CHN2: variants seen among roughly 807,000 people sequenced by gnomAD.
CHN2 encodes chimerin 2.
A neutral mutation model predicts 56.3 loss-of-function variants in CHN2; 35 were observed. The ratio of observed to expected loss-of-function variants is 0.62; its 90% CI spans 0.47 to 0.82. The LOEUF (loss-of-function observed/expected upper bound fraction) is 0.82, where lower values mean the gene tolerates loss of function less well. Ranked by LOEUF, CHN2 falls within the 40% of genes least tolerant of loss-of-function variation. The pLI, the probability that CHN2 is intolerant of heterozygous loss-of-function variation, is 0.00. For missense variants in CHN2, 491 were observed against 580.5 expected (o/e 0.85, Z 1.58); for synonymous variants, 210 against 212.8 (o/e 0.99, Z 0.12).
rs5883212 is a variant in CHN2, at chr7:29,461,816, T to TTGGATGGATGGA, written c.577-18418_577-18407dup. Among the ~76,000 whole-genome samples, 61 of 143,966 alleles carry TTGGATGGATGGA rather than the reference T, an allele frequency of 4.2e-4. 1 individual carries two copies. Among genetic ancestry groups the TTGGATGGATGGA allele is most frequent in the Middle Eastern group, 3.5e-3 (1 of 284 alleles). 94.4% of individuals were successfully genotyped at this position (143,966 alleles called of 152,430 possible). ...GTTTGTTGGTTAACTGGTTGGTTCA[T>TTGGATGGATGGA]TGGATGGATGGATGGATGGATGGAT... On this transcript the variant is annotated intron_variant, in intron 6 of 12. Coordinates refer to ENST00000222792, the MANE Select transcript of CHN2 (RefSeq NM_004067.4).
At chr7:29,416,916 G>A (rs1344918173) in intron 6 of CHN2, among the ~76,000 whole-genome samples, 1 of 152,174 alleles carries the variant, frequency 6.6e-6, no homozygotes, top group Non-Finnish European at 1.5e-5. Context: ...GGAGCTCCTT[G>A]CTGGCCCCTG....
At chr7:29,273,371 A>ATTTG (rs1554387285) in intron 1 of CHN2, among the ~76,000 whole-genome samples, 1 of 48,656 alleles carries the variant, frequency 2.1e-5, no homozygotes, top group Non-Finnish European at 3.7e-5. Context: ...ATATATATAT[A>ATTTG]TATATATATA....
At chr7:29,252,017 A>T (rs954379057) in intron 1 of CHN2, among the ~76,000 whole-genome samples, 1 of 152,096 alleles carries the variant, frequency 6.6e-6, no homozygotes, top group Non-Finnish European at 1.5e-5. Flanking sequence ...ACAGCAATAG[A>T]AAGGCTCTGG....
chr7:29,215,471 C>A (rs1785265648), intron 1 of CHN2, among the ~76,000 whole-genome samples: 1 of 152,174 alleles, frequency 6.6e-6, no homozygotes, highest in African/African-American at 2.4e-5. Context: ...GGAGCCAGAA[C>A]TGTAGTTGTA....
intron 3 of CHN2, 44 bp downstream of exon 3, chr7:29,368,031 A>T: frequency 6.5e-7 from 1 of 1,537,124 alleles, no homozygotes; most frequent in Non-Finnish European, 8.9e-7. Context: ...AAATATGATG[A>T]ATTGTCAGCA....
intron 2 of CHN2, among the ~76,000 whole-genome samples, chr7:29,362,815 GC>G (rs1188737241): frequency 6.6e-6 from 1 of 152,084 alleles, no homozygotes; most frequent in African/African-American, 2.4e-5. Flanking sequence ...AAAGTACTTG[GC>G]CCACCTTGGT....
At chr7:29,396,549 G>A (rs1177219971) in intron 4 of CHN2, 1 of 151,776 alleles carries the variant, frequency 6.6e-6, no homozygotes, top group Non-Finnish European at 1.5e-5. Context: ...CCTTCTCCTG[G>A]AGTGACCTGG....
intron 1 of CHN2, among the ~76,000 whole-genome samples, chr7:29,253,656 A>G (rs1024212290): frequency 6.6e-6 from 1 of 152,094 alleles, no homozygotes; most frequent in African/African-American, 2.4e-5. Flanking sequence ...TAGATTTCCT[A>G]CCCTCAAAGC....
Position 29,242,828 on chromosome 7 carries a change from G to C in CHN2, c.49+47838G>C, listed in dbSNP as rs530825780. Among the ~76,000 whole-genome samples, 6 of 147,990 alleles carry C rather than the reference G, an allele frequency of 4.1e-5. No individual in the cohort carries two copies. In the Admixed American group the frequency reaches 4.1e-4, roughly 10 times the overall value. On this transcript the variant is annotated intron_variant, in intron 1 of 12. Coordinates refer to ENST00000222792, the MANE Select transcript of CHN2 (RefSeq NM_004067.4). ...AAAGATTCAGATGACATTTCTATGA[G>C]GAAAGTGGTAATTGTGATTCTCAGG... is the stretch of plus-strand genomic sequence containing the variant.
chr7:29,358,306 G>A (rs1391426764), intron 2 of CHN2, among the ~76,000 whole-genome samples: 22 of 152,178 alleles, frequency 1.4e-4, no homozygotes, highest in Non-Finnish European at 5.9e-5. Context: ...GCTAAGGTGG[G>A]AGCATCACTT....
At chr7:29,305,985 T>C (rs1045579103) in intron 1 of CHN2, among the ~76,000 whole-genome samples, 3 of 152,014 alleles carry the variant, frequency 2.0e-5, no homozygotes, top group African/African-American at 7.2e-5. Context: ...GAATGCTCAC[T>C]TCTAGCTCTG....
intron 1 of CHN2, among the ~76,000 whole-genome samples, chr7:29,198,559 A>C (rs941156982): frequency 6.6e-6 from 1 of 152,216 alleles, no homozygotes; most frequent in East Asian, 1.9e-4. Flanking sequence ...CTGGTAATTA[A>C]ATTTCACAAT....
chr7:29,334,924 T>C (rs1369121206), intron 1 of CHN2, among the ~76,000 whole-genome samples: 1 of 152,220 alleles, frequency 6.6e-6, no homozygotes, highest in African/African-American at 2.4e-5. Context: ...TTTGTATACT[T>C]AGTGTTTGCA....
chr7:29,443,355 G>A (rs1783808425), intron 6 of CHN2, among the ~76,000 whole-genome samples: 1 of 152,192 alleles, frequency 6.6e-6, no homozygotes, highest in Admixed American at 6.5e-5. Flanking sequence ...TCACATATAT[G>A]ACAGCATAGC....
intron 1 of CHN2, among the ~76,000 whole-genome samples, chr7:29,262,858 C>T (rs1789674636): frequency 6.6e-6 from 1 of 152,172 alleles, no homozygotes; most frequent in Non-Finnish European, 1.5e-5. Context: ...GATGGGTTGA[C>T]AGGTGCAGCA....
At chr7:29,315,638 G>A (rs1794901791) in intron 1 of CHN2, among the ~76,000 whole-genome samples, 1 of 152,132 alleles carries the variant, frequency 6.6e-6, no homozygotes, top group Non-Finnish European at 1.5e-5. Flanking sequence ...TTCTGATAAT[G>A]CAGTGATGGG....
chr7:29,148,871 G>A (rs773405707), intron 2 of CHN2, among the ~76,000 whole-genome samples: 1 of 152,106 alleles, frequency 6.6e-6, no homozygotes, highest in Non-Finnish European at 1.5e-5. Context: ...GGGGAACAGA[G>A]GACAGGGACC....
At chr7:29,280,704 G>C (rs530789561) in intron 1 of CHN2, among the ~76,000 whole-genome samples, 9 of 152,314 alleles carry the variant, frequency 5.9e-5, no homozygotes, top group African/African-American at 1.9e-4. Context: ...GAACAGCCTG[G>C]AAAGCCTGCC....
chr7:29,153,324 A>C (rs1472609058), intron 2 of CHN2, among the ~76,000 whole-genome samples: 2 of 152,160 alleles, frequency 1.3e-5, no homozygotes, highest in African/African-American at 4.8e-5. Flanking sequence ...CCTTGAACGC[A>C]TGTGTTTCAA....
Sources: gnomAD v4.1 joint callset for allele counts (sites outside exome capture counted in the v4.1 genomes callset) on GRCh38, gnomAD v4.1.1 for gene constraint, MANE v1.5 for transcripts, NCBI Gene and HGNC (gene_info 2026-07-23, HGNC 2026-07-21) for gene names.